Variants in ATP6V0D2 observed in about 807,000 individuals in gnomAD.
ATP6V0D2 encodes the protein V-type proton ATPase subunit d 2.
A neutral mutation model predicts 40.0 loss-of-function variants in ATP6V0D2; 40 were observed. That is an observed-to-expected ratio of 1.00 (90% CI 0.78 to 1.30). The LOEUF (loss-of-function observed/expected upper bound fraction) is 1.30, where lower values mean the gene tolerates loss of function less well. Among genes scored for constraint, ATP6V0D2 ranks in the 50% most tolerant of loss-of-function variants. ATP6V0D2 has a pLI of 0.00. For missense variants in ATP6V0D2, 470 were observed against 423.1 expected (o/e 1.11, Z -0.97); for synonymous variants, 179 against 156.3 (o/e 1.15, Z -1.08).
chr8:86,128,890 A>G (rs1401371786), intron 2 of ATP6V0D2, among the ~76,000 whole-genome samples: 5 of 152,206 alleles, frequency 3.3e-5, no homozygotes, highest in South Asian at 4.1e-4. Context: ...ATCTCCTATT[A>G]TCTAAGAGCA....
intron 2 of ATP6V0D2, among the ~76,000 whole-genome samples, chr8:86,125,948 G>T (rs1818735970): frequency 1.3e-5 from 2 of 148,618 alleles, no homozygotes; most frequent in Non-Finnish European, 1.5e-5. Flanking sequence ...TAACTTATTT[G>T]TTTTTCTGAG....
At chr8:86,118,249 T>G (rs923228274) in intron 2 of ATP6V0D2, among the ~76,000 whole-genome samples, 1 of 150,916 alleles carries the variant, frequency 6.6e-6, no homozygotes, top group African/African-American at 2.4e-5. Flanking sequence ...TTTTTTATTT[T>G]TTTTAGTAGA....
At chr8:86,107,779 A>G (rs184968931) in intron 1 of ATP6V0D2, among the ~76,000 whole-genome samples, 11 of 152,308 alleles carry the variant, frequency 7.2e-5, no homozygotes, top group Admixed American at 5.9e-4. Context: ...GAAGTGCCAG[A>G]TGTTATTCAA....
At chr8:86,103,277 C>A (rs905451771) in intron 1 of ATP6V0D2, among the ~76,000 whole-genome samples, 16 of 151,466 alleles carry the variant, frequency 1.1e-4, no homozygotes, top group African/African-American at 3.6e-4. Context: ...GCCACCATGC[C>A]TGGCTAGTTT....
At chr8:86,137,900 A>C (rs1449835647) in intron 2 of ATP6V0D2, among the ~76,000 whole-genome samples, 1 of 152,154 alleles carries the variant, frequency 6.6e-6, no homozygotes, top group Non-Finnish European at 1.5e-5. Context: ...GACATACCTC[A>C]CAGTGTTGCA....
At chr8:86,110,689 C>G (rs1298234041) in intron 1 of ATP6V0D2, among the ~76,000 whole-genome samples, 1 of 152,112 alleles carries the variant, frequency 6.6e-6, no homozygotes, top group Non-Finnish European at 1.5e-5. Context: ...TGTCTACGTG[C>G]AAGACAATCA....
rs1008749905 is a variant in ATP6V0D2, at chr8:86,141,387, G to A, written c.482-63G>A. On this transcript the variant is annotated intron_variant, in intron 3 of 7. Transcript: ENST00000285393. ...GCAGAGGGTGGTGTGTTCAGGATAC[G>A]TTTTCTACAGCTTATAATCTTGCTT... The A allele has an allele frequency of 2.7e-5, 36 of 1,312,264 alleles. 1 individual carries two copies. Among genetic ancestry groups the A allele is most frequent in the South Asian group, 2.1e-4 (17 of 81,178 alleles). The allele number at this position is 1,312,264 out of a possible 1,614,324, so 81.3% of individuals were successfully genotyped here. A position where few individuals can be genotyped will look rare whatever the true frequency, so the allele number is the denominator to read the frequency against.
chr8:86,119,969 C>A (rs1818647462), intron 2 of ATP6V0D2, among the ~76,000 whole-genome samples: 1 of 152,178 alleles, frequency 6.6e-6, no homozygotes, highest in Admixed American at 6.5e-5. Flanking sequence ...ATCCAGATAA[C>A]TCAGCAGTTT....
At position 86,129,895 on chromosome 8, in the gene ATP6V0D2, T is replaced by C. The variant is rs1036858594; in HGVS notation, c.303-9562T>C. Among the ~76,000 whole-genome samples, 17 of 149,234 alleles carry C rather than the reference T, an allele frequency of 1.1e-4. No homozygotes were observed. The East Asian group carries it at 3.2e-3, about 28-fold the overall frequency. Reference sequence around the variant, plus strand: ...TGGAGGCTGAGGTGGGAGGATTGCTTGAGCCCAGGAGGTCGAGGCTGCAGT... The same window carrying C: ...TGGAGGCTGAGGTGGGAGGATTGCTCGAGCCCAGGAGGTCGAGGCTGCAGT... On this transcript the variant is annotated intron_variant, in intron 2 of 7. Transcript: ENST00000285393.
intron 1 of ATP6V0D2, among the ~76,000 whole-genome samples, chr8:86,110,974 T>C (rs1296401928): frequency 6.6e-6 from 1 of 152,062 alleles, no homozygotes; most frequent in Non-Finnish European, 1.5e-5. Context: ...CACATACTTA[T>C]TTTTTGTGGG....
chr8:86,127,524 T>G (rs557636070), intron 2 of ATP6V0D2, among the ~76,000 whole-genome samples: 1 of 151,996 alleles, frequency 6.6e-6, no homozygotes, highest in African/African-American at 2.4e-5. Flanking sequence ...GGTGTGATCA[T>G]GGCTCACTGC....
intron 5 of ATP6V0D2, among the ~76,000 whole-genome samples, chr8:86,143,542 C>T (rs866094084): frequency 6.6e-6 from 1 of 152,164 alleles, no homozygotes; most frequent in East Asian, 1.9e-4. Context: ...CCTGACATTG[C>T]CATGGCATTT....
intron 2 of ATP6V0D2, among the ~76,000 whole-genome samples, chr8:86,138,612 G>A (rs1156959503): frequency 1.3e-5 from 2 of 152,212 alleles, no homozygotes; most frequent in African/African-American, 4.8e-5. Context: ...TCGGGGATGT[G>A]AGGAAGGTGG....
chr8:86,115,655 C>A (rs1248447578), intron 2 of ATP6V0D2, among the ~76,000 whole-genome samples: 1 of 152,054 alleles, frequency 6.6e-6, no homozygotes, highest in African/African-American at 2.4e-5. Flanking sequence ...CAGGTGTGAG[C>A]CACCATGCCC....
At chr8:86,122,332 G>A (rs17661054) in intron 2 of ATP6V0D2, among the ~76,000 whole-genome samples, 4 of 152,130 alleles carry the variant, frequency 2.6e-5, no homozygotes, top group Non-Finnish European at 4.4e-5. Flanking sequence ...AGAATCTGAC[G>A]TTAAGGACCA....
At chr8:86,100,427 C>A (rs1349942184) in intron 1 of ATP6V0D2, among the ~76,000 whole-genome samples, 1 of 152,004 alleles carries the variant, frequency 6.6e-6, no homozygotes, top group East Asian at 1.9e-4. Flanking sequence ...AAAAACGAAC[C>A]AATGAACCTT....
chr8:86,100,039 T>TA (rs60101140), intron 1 of ATP6V0D2, among the ~76,000 whole-genome samples: 86 of 145,440 alleles, frequency 5.9e-4, no homozygotes, highest in South Asian at 2.0e-3. Context: ...TAACTGAAGT[T>TA]AAAAAAAAAA....
chr8:86,112,456 C>T (rs936164628), intron 1 of ATP6V0D2, among the ~76,000 whole-genome samples: 1 of 152,138 alleles, frequency 6.6e-6, no homozygotes. Context: ...TTACTAACCT[C>T]TCTGAGCTTC....
chr8:86,139,404 C>T, intron 2 of ATP6V0D2, 53 bp from the exon 3 acceptor site: 2 of 1,480,166 alleles, frequency 1.4e-6, no homozygotes, highest in Middle Eastern at 1.8e-4. Flanking sequence ...TTGTGGGATG[C>T]TTCTTATCCT....
Sources: allele counts gnomAD v4.1 joint callset (sites outside exome capture counted in the v4.1 genomes callset), GRCh38; gene constraint gnomAD v4.1.1; transcripts MANE v1.5; gene names NCBI Gene and HGNC (gene_info 2026-07-23, HGNC 2026-07-21).